The following NDUFA7 variants were observed in gnomAD, a reference collection of about 807,000 sequenced individuals.
NDUFA7 encodes the protein NADH:ubiquinone oxidoreductase subunit A7.
A neutral mutation model predicts 14.2 loss-of-function variants in NDUFA7; 18 were observed. The observed-to-expected ratio is 1.27, with a 90% CI of 0.88 to 1.88. The LOEUF (loss-of-function observed/expected upper bound fraction) is 1.88, where lower values mean the gene tolerates loss of function less well. NDUFA7 is among the 40% of genes most tolerant of loss of function. The probability of loss-of-function intolerance (pLI) is 0.00; values close to 1 mark genes in which losing one functional copy is unlikely to be tolerated. For synonymous variants in NDUFA7, 75 were observed against 62.1 expected (o/e 1.21, Z -0.98); for missense variants, 172 against 147.3 (o/e 1.17, Z -0.87).
chr19:8,317,000 G>A (rs1970243687), intron 2 of NDUFA7, among the ~76,000 whole-genome samples: 2 of 152,116 alleles, frequency 1.3e-5, no homozygotes, highest in Admixed American at 6.6e-5. Flanking sequence ...ACTTGACTTT[G>A]TCCACTCTGA....
downstream of NDUFA7, among the ~76,000 whole-genome samples, chr19:8,309,063 A>G (rs1423634493): frequency 2.0e-5 from 3 of 151,856 alleles, no homozygotes; most frequent in Non-Finnish European, 4.4e-5. Flanking sequence ...CGCCTCAAGA[A>G]AAAAGAAAAT....
At chr19:8,312,798 G>A (rs1366284128) in intron 3 of NDUFA7, among the ~76,000 whole-genome samples, 1 of 152,126 alleles carries the variant, frequency 6.6e-6, no homozygotes, top group Non-Finnish European at 1.5e-5. Context: ...TCAAGTAGCT[G>A]GGCCTACGGG....
chr19:8,308,649 A>C (rs2232767), downstream of NDUFA7: 22,505 of 302,098 alleles, frequency 0.074, 2,216 homozygotes, highest in African/African-American at 0.3. Context: ...GGCACTCCGC[A>C]TTTCCTCCCT....
chr19:8,310,250 C>T (rs186143592), downstream of NDUFA7, among the ~76,000 whole-genome samples: 2,399 of 151,926 alleles, frequency 0.016, 59 homozygotes, highest in African/African-American at 0.056. Flanking sequence ...GCCAACATGG[C>T]GAAACCCCGT....
At chr19:8,308,779 C>T (rs562693231), downstream of NDUFA7, 7 of 182,636 alleles carry the variant, frequency 3.8e-5, no homozygotes, top group South Asian at 6.3e-4. Flanking sequence ...TTGCTCACTG[C>T]TTTATTCTCA....
chr19:8,311,735 G>A, intron 3 of NDUFA7, 140 bp from the exon 4 acceptor site: 1 of 633,728 alleles, frequency 1.6e-6, no homozygotes, highest in Non-Finnish European at 2.7e-6. Context: ...GTTCCAGAAT[G>A]CCAACCCCTC....
At chr19:8,317,999 T>C (rs1456608715) in intron 2 of NDUFA7, among the ~76,000 whole-genome samples, 1 of 151,672 alleles carries the variant, frequency 6.6e-6, no homozygotes, top group Non-Finnish European at 1.5e-5. Flanking sequence ...TGTTAGTCAC[T>C]GTATTTTTTA....
In NDUFA7 at chr19:8,312,079, A is replaced by G. The variant is rs578048071; in HGVS notation, c.252-484T>C. Among the ~76,000 whole-genome samples the G allele has an allele frequency of 9.2e-5, 14 of 152,302 alleles. No homozygotes were observed. In the Middle Eastern group the frequency reaches 0.01, roughly 111 times the overall value. ...AAGATGGGGCACCGCCCTCAGGAAG[A>G]CTCAGGCTGGTGGGGCTGAGAATCC... On this transcript the variant is annotated intron_variant, in intron 3 of 3. Transcript: ENST00000301457.
rs764851357 is a variant in NDUFA7, at chr19:8,311,483, G to A, written c.*22C>T. On this transcript the variant is annotated 3_prime_UTR_variant, in exon 4 of 4. Transcript: ENST00000301457. ...GGAAATCCAAGGAGGCAAAGTAGTC[G>A]GGTGGCCGTGAGGGTGCAGTGTCAC... 3.3e-5 allele frequency: 51 copies of A among 1,568,814 alleles called. No homozygotes were observed. Among genetic ancestry groups the A allele is most frequent in the African/African-American group, 6.8e-5 (5 of 73,482 alleles).
intron 3 of NDUFA7, among the ~76,000 whole-genome samples, chr19:8,314,193 C>T (rs777471779): frequency 1.3e-5 from 2 of 152,058 alleles, no homozygotes; most frequent in Admixed American, 6.6e-5. Context: ...TGGTGGCATG[C>T]GCCTGTAATC....
At chr19:8,315,921 G>A (rs888676993) in intron 3 of NDUFA7, among the ~76,000 whole-genome samples, 3 of 152,052 alleles carry the variant, frequency 2.0e-5, no homozygotes, top group South Asian at 4.2e-4. Flanking sequence ...TTGGGAGGCC[G>A]AGTCGGGTGG....
intron 3 of NDUFA7, among the ~76,000 whole-genome samples, 170 bp from the exon 4 acceptor site, chr19:8,311,765 A>G (rs1970180966): frequency 6.6e-6 from 1 of 152,116 alleles, no homozygotes; most frequent in Non-Finnish European, 1.5e-5. Context: ...CCCTCAGAGG[A>G]TCAGCCAACG....
chr19:8,310,930 C>CT (rs1209248579), downstream of NDUFA7, among the ~76,000 whole-genome samples: 1 of 152,028 alleles, frequency 6.6e-6, no homozygotes, highest in Non-Finnish European at 1.5e-5. Context: ...GGCAGAATTG[C>CT]TTGAGCCCAG....
In NDUFA7 at chr19:8,311,326, G is replaced by T; in HGVS notation, c.*179C>A. The stretch of plus-strand genomic sequence containing the variant: ...AGGTCAAGGCAGGAGGATCGCTTGA[G>T]GCCAGGAGTTCAAGATCAGCCTGGG... On this transcript the variant is annotated 3_prime_UTR_variant, in exon 4 of 4. Transcript: ENST00000301457. 1 of 474,708 alleles carries T rather than the reference G, an allele frequency of 2.1e-6. No homozygotes were observed. Among genetic ancestry groups the T allele is most frequent in the Non-Finnish European group, 3.7e-6 (1 of 268,976 alleles). The allele number at this position is 474,708 out of a possible 1,614,324, so 29.4% of individuals were successfully genotyped here. A position where few individuals can be genotyped will look rare whatever the true frequency, so the allele number is the denominator to read the frequency against.
chr19:8,315,466 C>T lies in NDUFA7; in HGVS notation c.251+1030G>A, dbSNP rs547669603. Among the ~76,000 whole-genome samples the T allele has an allele frequency of 8.5e-4, 130 of 152,284 alleles. 2 individuals are homozygous for T. The highest frequency in any genetic ancestry group is 2.4e-3 in the Admixed American group (37 of 15,280). On this transcript the variant is annotated intron_variant, in intron 3 of 3. Coordinates refer to ENST00000301457, the MANE Select transcript of NDUFA7 (RefSeq NM_005001.5). ...GTGGGACATGCGGGCAGCAATACTG[C>T]TCCTTAAGGCATTGAGATGTTTACG...
intron 1 of NDUFA7, 200 bp downstream of exon 1, chr19:8,321,108 G>A (rs1599634723): frequency 1.1e-6 from 1 of 872,506 alleles, no homozygotes; most frequent in South Asian, 1.7e-5. Flanking sequence ...AGAAGGTCGG[G>A]GACTGGGGAA....
downstream of NDUFA7, chr19:8,310,641 T>G (rs1970166551): frequency 1.3e-5 from 2 of 152,180 alleles, no homozygotes; most frequent in Non-Finnish European, 2.9e-5. Context: ...CCAGGGCCTC[T>G]GCACCCAGGG....
chr19:8,311,596 C>A lies in NDUFA7; in HGVS notation c.252-1G>T. On this transcript the variant is annotated splice_acceptor_variant, in intron 3 of 3. Transcript: ENST00000301457. LOFTEE classifies it high-confidence loss of function. ...CTTCTCAGTGGCAGCTACAGCAGAG[C>A]TGGAGGAGGGAAAGACTTCAGTGAG... The A allele has an allele frequency of 6.2e-7, 1 of 1,611,050 alleles. No individual in the cohort carries two copies. The highest frequency in any genetic ancestry group is 1.3e-5 in the African/African-American group (1 of 74,914).
intron 3 of NDUFA7, among the ~76,000 whole-genome samples, chr19:8,314,652 G>A (rs1020668723): frequency 2.0e-5 from 3 of 152,070 alleles, no homozygotes; most frequent in East Asian, 1.9e-4. Flanking sequence ...GGTGGCTCAC[G>A]CCTGTAATCC....
Sources: gnomAD v4.1 joint callset for allele counts (sites outside exome capture counted in the v4.1 genomes callset) on GRCh38, gnomAD v4.1.1 for gene constraint, MANE v1.5 for transcripts, NCBI Gene and HGNC (gene_info 2026-07-23, HGNC 2026-07-21) for gene names.